Variants in PRPF18 observed in about 807,000 individuals in gnomAD.
PRPF18 encodes the protein pre-mRNA processing factor 18.
Under a neutral mutation model 46.5 loss-of-function variants are expected in PRPF18, and 38 were observed. That is an observed-to-expected ratio of 0.82 (90% CI 0.63 to 1.07). PRPF18 has a LOEUF of 1.07. Among genes scored for constraint, PRPF18 ranks in the 50% least tolerant of loss-of-function variants. PRPF18 has a pLI of 0.00. For missense variants in PRPF18, 263 were observed against 410.0 expected, an observed-to-expected ratio of 0.64 and a Z score of 3.10; for synonymous variants, 152 against 146.7, an observed-to-expected ratio of 1.04 and a Z score of -0.26.
intron 3 of PRPF18, among the ~76,000 whole-genome samples, chr10:13,603,012 G>A (rs1199260417): frequency 1.3e-5 from 2 of 152,240 alleles, no homozygotes; most frequent in Non-Finnish European, 2.9e-5. Flanking sequence ...GATTACCGGC[G>A]AGGGCCACTG....
chr10:13,633,132 G>C (rs952348731), downstream of PRPF18, among the ~76,000 whole-genome samples: 1 of 152,214 alleles, frequency 6.6e-6, no homozygotes, highest in East Asian at 1.9e-4. Flanking sequence ...GGAAAGTAAA[G>C]CTAAGGCCAA....
In PRPF18 at chr10:13,630,327, A is replaced by G; in HGVS notation, c.1016A>G (p.Tyr339Cys). 1.2e-6 allele frequency: 2 copies of G among 1,609,664 alleles called. No homozygotes were observed. Among genetic ancestry groups the G allele is most frequent in the Non-Finnish European group, 1.7e-6 (2 of 1,175,898 alleles). The change falls in exon 10 of 10, where the codon TAC becomes TGC. Residue 339 changes from tyrosine (Y) to cysteine (C), a missense_variant. By Grantham distance (194) the Tyr-to-Cys change is radical (BLOSUM62 -2). This residue lies in a region of PRPF18 where 20 missense variants were observed against 21.5 expected (regional missense o/e 0.93). Coordinates refer to ENST00000378572, the MANE Select transcript of PRPF18 (RefSeq NM_003675.4). ...ACAGACCCATCCAAATGTGTGGAGT[A>G]CAATGCACTGTGAGATCTGTGTATG... ...FPTDPSKCVE[Y>C]NAL
At chr10:13,620,716 C>T (rs2080409296) in intron 9 of PRPF18, among the ~76,000 whole-genome samples, 1 of 152,160 alleles carries the variant, frequency 6.6e-6, no homozygotes, top group Non-Finnish European at 1.5e-5. Flanking sequence ...TTTAGAAATA[C>T]TGGTGAAAAA....
downstream of PRPF18, chr10:13,631,148 C>A (rs2080586088): frequency 6.6e-6 from 1 of 152,308 alleles, no homozygotes; most frequent in Non-Finnish European, 1.5e-5. Flanking sequence ...CACCCGCCAA[C>A]AGAGGAGGAA....
At chr10:13,621,636 G>A (rs565244439) in intron 9 of PRPF18, among the ~76,000 whole-genome samples, 4 of 152,266 alleles carry the variant, frequency 2.6e-5, no homozygotes, top group African/African-American at 9.6e-5. Flanking sequence ...ACATTATCCA[G>A]TTCGACTGCT....
At chr10:13,594,096 G>A (rs2133200511) in intron 1 of PRPF18, among the ~76,000 whole-genome samples, 1 of 152,254 alleles carries the variant, frequency 6.6e-6, no homozygotes, top group Admixed American at 6.5e-5. Context: ...ATTTACATAG[G>A]ACACATTTAT....
the PRPF18 span, chr10:13,638,713 T>C: frequency 6.6e-6 from 1 of 152,122 alleles, no homozygotes; most frequent in Non-Finnish European, 1.5e-5. Flanking sequence ...CACCAGTGGA[T>C]TGAATGATGC....
At chr10:13,619,998 G>A (rs1408161337) in intron 9 of PRPF18, among the ~76,000 whole-genome samples, 1 of 151,886 alleles carries the variant, frequency 6.6e-6, no homozygotes, top group Non-Finnish European at 1.5e-5. Context: ...CTATGTTAGA[G>A]TTTTGTAAAA....
At chr10:13,651,886 A>G in the PRPF18 span, 16 of 1,385,876 alleles carry the variant, frequency 1.2e-5, 1 homozygote, top group East Asian at 1.4e-4. Flanking sequence ...GTAGGAACAA[A>G]ACTCCCCTTA....
At chr10:13,591,151 G>A (rs2079955656) in intron 1 of PRPF18, among the ~76,000 whole-genome samples, 1 of 152,156 alleles carries the variant, frequency 6.6e-6, no homozygotes, top group Non-Finnish European at 1.5e-5. Flanking sequence ...TGATGTAAGG[G>A]AACATACACA....
At chr10:13,642,926 T>G in the PRPF18 span, 1 of 152,226 alleles carries the variant, frequency 6.6e-6, no homozygotes, top group Non-Finnish European at 1.5e-5. Flanking sequence ...CCAAGGCTTC[T>G]GTAAGGCTTC....
chr10:13,590,566 A>G (rs1311286809), intron 1 of PRPF18, among the ~76,000 whole-genome samples: 4 of 149,456 alleles, frequency 2.7e-5, no homozygotes, highest in African/African-American at 9.9e-5. Context: ...GCTTGCAGTG[A>G]GCTGATATTG....
Position 13,613,824 on chromosome 10 carries a change from G to C in PRPF18, c.663G>C (p.Ala221=). The C allele has an allele frequency of 6.2e-7, 1 of 1,614,042 alleles. No homozygotes were observed. The highest frequency in any genetic ancestry group is 8.5e-7 in the Non-Finnish European group (1 of 1,179,986). The change falls in exon 7 of 10, where the codon GCG becomes GCC. Residue 221 remains alanine (A), a synonymous_variant. Coordinates refer to ENST00000378572, the MANE Select transcript of PRPF18 (RefSeq NM_003675.4). The part of the protein sequence containing the change: ...KRSVQGKLNS[A]TQKQTESYLR... ...GTGTGCAGGGTAAACTGAACAGTGC[G>C]ACCCAGAAACAGACCGAGTCCTACC...
At chr10:13,646,981 A>G in the PRPF18 span, 1 of 984,916 alleles carries the variant, frequency 1.0e-6, no homozygotes, top group Non-Finnish European at 1.2e-6. Context: ...ACCACTGGAC[A>G]TCAGCTAGTT....
In PRPF18 at chr10:13,605,781, T is replaced by C. The variant is rs2502208; in HGVS notation, c.363+37T>C. 7.4e-4 allele frequency: 1,163 copies of C among 1,576,856 alleles called. 3 individuals are homozygous for C. In the African/African-American group the frequency reaches 0.015, roughly 20 times the overall value. On this transcript the variant is annotated intron_variant, in intron 4 of 9. Coordinates refer to ENST00000378572, the MANE Select transcript of PRPF18 (RefSeq NM_003675.4). ...GAACAAAGCTAGAAAAATACCACTG[T>C]ACTGCATTCACTAGAATAGAGTTTG... is the stretch of plus-strand genomic sequence containing the variant.
chr10:13,654,945 C>G, the PRPF18 span: 1 of 174,034 alleles, frequency 5.7e-6, no homozygotes, highest in Non-Finnish European at 1.2e-5. Flanking sequence ...TCAGTGTGGC[C>G]CTGTTATGAA....
rs145925192 is a variant in PRPF18, at chr10:13,627,180, G to A, written c.949-3080G>A. Among the ~76,000 whole-genome samples the A allele has an allele frequency of 5.1e-4, 77 of 152,216 alleles. No homozygotes were observed. In the South Asian group the frequency reaches 0.012, roughly 24 times the overall value. On this transcript the variant is annotated intron_variant, in intron 9 of 9. Coordinates refer to ENST00000378572, the MANE Select transcript of PRPF18 (RefSeq NM_003675.4). ...CAAAGTCCTTCAGGTTGCCCCACAC[G>A]TCCACTTACCCCACTTGCCTGCTTT...
downstream of PRPF18, chr10:13,631,384 G>A (rs1188065102): frequency 6.6e-6 from 1 of 152,224 alleles, no homozygotes; most frequent in East Asian, 1.9e-4. Context: ...GGGCTCCAAA[G>A]GCAGAACTTC....
chr10:13,597,419 C>T, intron 1 of PRPF18, 39 bp from the exon 2 acceptor site: 2 of 1,436,010 alleles, frequency 1.4e-6, no homozygotes, highest in Non-Finnish European at 1.9e-6. Context: ...AAATTTTGCT[C>T]AAGGATATAT....
Sources: gnomAD v4.1 joint callset for allele counts (sites outside exome capture counted in the v4.1 genomes callset) on GRCh38, gnomAD v4.1.1 for gene constraint, gnomAD v4.1.1 regional missense constraint, MANE v1.5 for transcripts, NCBI Gene and HGNC (gene_info 2026-07-23, HGNC 2026-07-21) for gene names.